Variants in ATXN7L1 observed in about 807,000 individuals in gnomAD.
ATXN7L1 encodes the protein ataxin 7 like 1.
A neutral mutation model predicts 70.8 loss-of-function variants in ATXN7L1; 15 were observed. The observed-to-expected ratio is 0.21, with a 90% CI of 0.14 to 0.33. ATXN7L1 has a LOEUF of 0.33. ATXN7L1 is among the 10% of genes least tolerant of loss of function. The pLI is 1.00. For missense variants in ATXN7L1, 975 were observed against 1,097.1 expected, an observed-to-expected ratio of 0.89 and a Z score of 1.57; for synonymous variants, 440 against 445.1, an observed-to-expected ratio of 0.99 and a Z score of 0.14.
chr7:105,681,911 T>C (rs1010252121), intron 3 of ATXN7L1, among the ~76,000 whole-genome samples: 5 of 151,982 alleles, frequency 3.3e-5, no homozygotes, highest in African/African-American at 1.2e-4. Context: ...GGTATAGAGT[T>C]TCGGTTTTGC....
chr7:105,681,434 C>A (rs896075022), intron 3 of ATXN7L1, among the ~76,000 whole-genome samples: 2 of 152,098 alleles, frequency 1.3e-5, no homozygotes, highest in African/African-American at 4.8e-5. Context: ...GAAGTTGGAT[C>A]CCTCGTGCAC....
chr7:105,652,512 C>T (rs997259488), intron 4 of ATXN7L1, among the ~76,000 whole-genome samples: 8 of 152,186 alleles, frequency 5.3e-5, no homozygotes, highest in African/African-American at 1.4e-4. Context: ...GAGCAACAAG[C>T]GGGAGCACTC....
chr7:105,739,292 C>T (rs1170285265), intron 3 of ATXN7L1, among the ~76,000 whole-genome samples: 1 of 152,174 alleles, frequency 6.6e-6, no homozygotes, highest in African/African-American at 2.4e-5. Context: ...ATTACGTTTG[C>T]ACCAACCTAA....
chr7:105,783,973 T>C lies in ATXN7L1; in HGVS notation c.355+4631A>G, dbSNP rs544533618. On this transcript the variant is annotated intron_variant, in intron 3 of 11. Coordinates refer to ENST00000419735, the MANE Select transcript of ATXN7L1 (RefSeq NM_020725.2). ...CTGGGTAGTGTTTTTTTGGTTCATG[T>C]TTTTTTGAGACAGGGTCTCACTCTG... Among the ~76,000 whole-genome samples the C allele has an allele frequency of 3.9e-5, 6 of 152,134 alleles. No individual in the cohort carries two copies. The South Asian group carries it at 8.3e-4, about 21-fold the overall frequency.
intron 3 of ATXN7L1, among the ~76,000 whole-genome samples, chr7:105,732,008 G>A (rs1419391636): frequency 1.3e-5 from 2 of 152,016 alleles, no homozygotes; most frequent in African/African-American, 2.4e-5. Context: ...AAGGAGAATC[G>A]CTTGAACCCG....
intron 3 of ATXN7L1, among the ~76,000 whole-genome samples, chr7:105,747,714 C>T (rs924557628): frequency 5.3e-5 from 8 of 152,122 alleles, no homozygotes; most frequent in Admixed American, 3.9e-4. Flanking sequence ...GGATCTGATG[C>T]GATGTCTAGG....
At chr7:105,763,047 G>C (rs1352396544) in intron 3 of ATXN7L1, among the ~76,000 whole-genome samples, 3 of 152,188 alleles carry the variant, frequency 2.0e-5, no homozygotes, top group South Asian at 4.1e-4. Context: ...GAGACTCTGA[G>C]CCGAACCACA....
At chr7:105,615,638 T>A (rs894663511) in intron 9 of ATXN7L1, among the ~76,000 whole-genome samples, 4 of 152,110 alleles carry the variant, frequency 2.6e-5, no homozygotes, top group Admixed American at 6.5e-5. Flanking sequence ...CCCACACGGG[T>A]CTTCTTGTCC....
chr7:105,743,879 CATTAATCAAGTAT>C (rs1462645268), intron 3 of ATXN7L1, among the ~76,000 whole-genome samples: 1 of 152,210 alleles, frequency 6.6e-6, no homozygotes, highest in Non-Finnish European at 1.5e-5. Flanking sequence ...CAATCCTGAA[CATTAATCAAGTAT>C]CAATCACTGA....
intron 3 of ATXN7L1, among the ~76,000 whole-genome samples, chr7:105,674,759 C>T (rs1041793298): frequency 1.3e-5 from 2 of 152,342 alleles, no homozygotes; most frequent in African/African-American, 4.8e-5. Context: ...GGCATTCCCC[C>T]TTCCTCCTCC....
intron 3 of ATXN7L1, among the ~76,000 whole-genome samples, chr7:105,713,011 G>C (rs1007736811): frequency 6.6e-6 from 1 of 152,192 alleles, no homozygotes; most frequent in East Asian, 1.9e-4. Flanking sequence ...GGCTAAACAG[G>C]AAGCGTGACT....
intron 2 of ATXN7L1, among the ~76,000 whole-genome samples, chr7:105,833,241 T>C (rs935456839): frequency 3.3e-5 from 5 of 152,102 alleles, no homozygotes; most frequent in African/African-American, 1.2e-4. Flanking sequence ...CTCAGATCAT[T>C]CAGTCTCCCT....
intron 2 of ATXN7L1, among the ~76,000 whole-genome samples, chr7:105,873,927 C>T (rs768683950): frequency 6.6e-5 from 10 of 152,178 alleles, no homozygotes; most frequent in Non-Finnish European, 8.8e-5. Flanking sequence ...GAGATCAAGA[C>T]CATCCTGGCC....
At chr7:105,649,645 G>T in intron 4 of ATXN7L1, 1 of 883,390 alleles carries the variant, frequency 1.1e-6, no homozygotes, top group Non-Finnish European at 1.4e-6. Flanking sequence ...CCACCTGCCA[G>T]CTACGCTTTC....
chr7:105,708,610 T>C (rs1194582592), intron 3 of ATXN7L1, among the ~76,000 whole-genome samples: 2 of 152,254 alleles, frequency 1.3e-5, no homozygotes, highest in African/African-American at 4.8e-5. Flanking sequence ...TTGGCTTTTA[T>C]CTCTATTCAC....
intron 8 of ATXN7L1, among the ~76,000 whole-genome samples, chr7:105,621,223 CCTT>C (rs757274973): frequency 6.6e-6 from 1 of 152,178 alleles, no homozygotes; most frequent in Non-Finnish European, 1.5e-5. Flanking sequence ...TTGTCTCCTT[CCTT>C]CTTCTTTTTG....
chr7:105,824,070 G>A (rs535866378), intron 2 of ATXN7L1, among the ~76,000 whole-genome samples: 218 of 152,296 alleles, frequency 1.4e-3, no homozygotes, highest in African/African-American at 4.8e-3. Context: ...CTCTCATGGC[G>A]TGATGCCCTT....
intron 5 of ATXN7L1, among the ~76,000 whole-genome samples, chr7:105,639,936 G>C (rs538180874): frequency 5.9e-5 from 9 of 152,300 alleles, no homozygotes; most frequent in South Asian, 2.1e-4. Context: ...CAGGTCCTTG[G>C]CATTTGGGCA....
rs987508390 is a variant in ATXN7L1 at position 105,635,434 on chromosome 7, G to A, written c.1202+2919C>T. On this transcript the variant is annotated intron_variant, in intron 7 of 11. Transcript: ENST00000419735. ...CATTCACTGCCTTTGCCTTCCTGTG[G>A]AGTGCCCCTCCCACTCACTAACAGC... is the stretch of plus-strand genomic sequence containing the variant. Among the ~76,000 whole-genome samples the A allele has an allele frequency of 4.6e-5, 7 of 152,352 alleles. No homozygotes were observed. In the South Asian group the frequency reaches 1.4e-3, roughly 32 times the overall value.
Sources: gnomAD v4.1 joint callset for allele counts (sites outside exome capture counted in the v4.1 genomes callset) on GRCh38, gnomAD v4.1.1 for gene constraint, MANE v1.5 for transcripts, NCBI Gene and HGNC (gene_info 2026-07-23, HGNC 2026-07-21) for gene names.